The following CAPRIN2 variants were observed in gnomAD, a reference collection of about 807,000 sequenced individuals.
CAPRIN2 encodes the protein caprin-2.
In CAPRIN2, 66 loss-of-function variants were observed where a neutral mutation model predicts 130.4. The observed-to-expected ratio is 0.51, with a 90% CI of 0.42 to 0.62. The LOEUF (loss-of-function observed/expected upper bound fraction) is 0.62, where lower values mean the gene tolerates loss of function less well. Among genes scored for constraint, CAPRIN2 ranks in the 20% least tolerant of loss-of-function variants. The pLI is 0.00. For synonymous variants in CAPRIN2, 471 were observed against 444.1 expected, an observed-to-expected ratio of 1.06 and a Z score of -0.76; for missense variants, 1,185 against 1,246.6, an observed-to-expected ratio of 0.95 and a Z score of 0.74.
intron 3 of CAPRIN2, among the ~76,000 whole-genome samples, chr12:30,736,411 C>T (rs956212189): frequency 7.1e-6 from 1 of 140,796 alleles, no homozygotes; most frequent in Non-Finnish European, 1.5e-5. Flanking sequence ...AAAAAAAAAA[C>T]CACTAAGATT....
intron 10 of CAPRIN2, among the ~76,000 whole-genome samples, chr12:30,723,923 A>G (rs1452862857): frequency 6.6e-6 from 1 of 152,220 alleles, no homozygotes; most frequent in Non-Finnish European, 1.5e-5. Flanking sequence ...GTGGAGCAAA[A>G]AGCCCAAGCT....
intron 14 of CAPRIN2, among the ~76,000 whole-genome samples, chr12:30,714,345 C>T (rs2056637319): frequency 6.6e-6 from 1 of 152,140 alleles, no homozygotes; most frequent in Admixed American, 6.6e-5. Flanking sequence ...CCATGCCCAG[C>T]TAATATTTTT....
chr12:30,720,182 C>T (rs73079970), intron 12 of CAPRIN2: 11,048 of 152,224 alleles, frequency 0.073, 465 homozygotes, highest in Middle Eastern at 0.13. Context: ...CTCCTGGGTT[C>T]AAGCAATTCT....
intron 12 of CAPRIN2, chr12:30,719,942 AAC>A (rs2058853590): frequency 1.3e-5 from 2 of 152,338 alleles, no homozygotes; most frequent in Admixed American, 6.5e-5. Flanking sequence ...ATTCTTCTAT[AAC>A]AGTTAACAAA....
At chr12:30,709,668 C>T in exon 17 of CAPRIN2, 1 of 465,550 alleles carries the variant, frequency 2.1e-6, no homozygotes, top group Non-Finnish European at 3.8e-6. Context: ...AAACAATATA[C>T]ATTCACAGCT....
intron 6 of CAPRIN2, among the ~76,000 whole-genome samples, chr12:30,730,581 C>CT (rs58310737): frequency 6.6e-6 from 1 of 152,072 alleles, no homozygotes; most frequent in East Asian, 1.9e-4. Context: ...TAAAACACAG[C>CT]TTTTTTTCAA....
intron 2 of CAPRIN2, among the ~76,000 whole-genome samples, chr12:30,744,863 T>C (rs1393262779): frequency 1.3e-5 from 2 of 152,220 alleles, no homozygotes; most frequent in Admixed American, 6.5e-5. Context: ...GAATAAAAGA[T>C]AGTTCAGATG....
chr12:30,740,221 A>G (rs796882342), intron 3 of CAPRIN2, among the ~76,000 whole-genome samples: 5 of 152,266 alleles, frequency 3.3e-5, no homozygotes, highest in African/African-American at 1.2e-4. Flanking sequence ...GAGAATTATG[A>G]TCACACCACT....
In CAPRIN2 at chr12:30,723,364, C is replaced by T. The variant is rs182388119; in HGVS notation, c.1988-50G>A. ...ACTACTGAGGGAAGACAAAAGCTTA[C>T]GCATATCAACTAGGAGGAAACTAAA... On this transcript the variant is annotated intron_variant, in intron 10 of 16. Coordinates refer to ENST00000298892, the Ensembl canonical transcript of CAPRIN2. 51 of 1,257,850 alleles carry T rather than the reference C, an allele frequency of 4.1e-5. 1 individual carries two copies. In the East Asian group the frequency reaches 1.1e-3, roughly 27 times the overall value. 77.9% of individuals were successfully genotyped at this position (1,257,850 alleles called of 1,614,324 possible).
chr12:30,748,203 G>A (rs1322441830), intron 2 of CAPRIN2, among the ~76,000 whole-genome samples: 2 of 152,164 alleles, frequency 1.3e-5, no homozygotes, highest in East Asian at 1.9e-4. Context: ...AAGTCCTACT[G>A]TGGGTAAAAT....
chr12:30,738,502 G>A lies in CAPRIN2; in HGVS notation c.570+2518C>T, dbSNP rs556798617. ...CATTCTGAATATAGGAACTGGCAAA[G>A]ATTTTGTAACAAATATGCCAAAAGT... On this transcript the variant is annotated intron_variant, in intron 3 of 16. Transcript: ENST00000298892. Among the ~76,000 whole-genome samples, 5 of 152,238 alleles carry A rather than the reference G, an allele frequency of 3.3e-5. No individual in the cohort carries two copies. In the South Asian group the frequency reaches 1.0e-3, roughly 32 times the overall value.
intron 5 of CAPRIN2, among the ~76,000 whole-genome samples, chr12:30,733,336 A>C (rs1163452976): frequency 6.6e-6 from 1 of 152,178 alleles, no homozygotes; most frequent in Non-Finnish European, 1.5e-5. Flanking sequence ...ACAGAATAGA[A>C]AACTGAACCC....
At chr12:30,720,952 C>T (rs1427793143) in intron 11 of CAPRIN2, 37 bp from the exon 13 acceptor site, 1 of 1,413,678 alleles carries the variant, frequency 7.1e-7, no homozygotes, top group South Asian at 1.2e-5. Flanking sequence ...GTAAAAGGCA[C>T]ATTTTGTTCA....
chr12:30,734,928 T>C (rs1362181476), intron 4 of CAPRIN2, 40 bp downstream of exon 5: 3 of 1,353,288 alleles, frequency 2.2e-6, no homozygotes, highest in Admixed American at 1.7e-5. Context: ...AGCTAAAGTG[T>C]CAAGTGTTTC....
In CAPRIN2 at chr12:30,719,413, T is replaced by G. The variant is rs2058673378; in HGVS notation, c.2148+1398A>C. On this transcript the variant is annotated intron_variant, in intron 12 of 16. Coordinates refer to ENST00000298892, the Ensembl canonical transcript of CAPRIN2. ...CTGAGGATGCATACCAGTATTTGCT[T>G]TGCACAGCTTGCTGACTAAGTGAAA... 9.9e-6 allele frequency: 6 copies of G among 604,914 alleles called. 1 individual carries two copies. In the East Asian group the frequency reaches 1.7e-4, roughly 17 times the overall value. The allele number at this position is 604,914 out of a possible 1,614,324, so 37.5% of individuals were successfully genotyped here. A position where few individuals can be genotyped will look rare whatever the true frequency, so the allele number is the denominator to read the frequency against.
At chr12:30,753,259 G>T in intron 1 of CAPRIN2, 85 bp downstream of exon 2, 2 of 1,139,746 alleles carry the variant, frequency 1.8e-6, no homozygotes, top group Non-Finnish European at 2.5e-6. Context: ...TTTTAGTAGA[G>T]AACACCTATG....
At chr12:30,748,920 G>A (rs2072195496) in intron 2 of CAPRIN2, among the ~76,000 whole-genome samples, 1 of 152,130 alleles carries the variant, frequency 6.6e-6, no homozygotes, top group African/African-American at 2.4e-5. Flanking sequence ...TACATTGTAA[G>A]GGTAGGAAAC....
intron 13 of CAPRIN2, 100 bp from the exon 16 acceptor site, chr12:30,715,241 C>T: frequency 1.1e-6 from 1 of 947,222 alleles, no homozygotes; most frequent in Non-Finnish European, 1.6e-6. Context: ...AATTTGCTGC[C>T]TTTAAAAATA....
intron 2 of CAPRIN2, among the ~76,000 whole-genome samples, chr12:30,748,477 GAC>G (rs765079188): frequency 9.2e-5 from 14 of 152,252 alleles, no homozygotes; most frequent in African/African-American, 2.4e-4. Context: ...CCTTCTTTTT[GAC>G]ACAGTGCTAC....
Sources: gnomAD v4.1 joint callset for allele counts (sites outside exome capture counted in the v4.1 genomes callset) on GRCh38, gnomAD v4.1.1 for gene constraint, MANE v1.5 for transcripts, NCBI Gene and HGNC (gene_info 2026-07-23, HGNC 2026-07-21) for gene names.